Variants in TPTE observed in about 807,000 individuals in gnomAD.
TPTE encodes transmembrane phosphatase with tensin homology.
Under a neutral mutation model 84.1 loss-of-function variants are expected in TPTE, and 59 were observed. The observed-to-expected ratio is 0.70, with a 90% confidence interval of 0.57 to 0.87. TPTE has a LOEUF of 0.87. Ranked by LOEUF, TPTE falls within the 40% of genes least tolerant of loss-of-function variation. The pLI, the probability that TPTE is intolerant of heterozygous loss-of-function variation, is 0.00. For synonymous variants in TPTE, 130 were observed against 223.5 expected, an observed-to-expected ratio of 0.58 and a Z score of 3.73; for missense variants, 382 against 659.6, an observed-to-expected ratio of 0.58 and a Z score of 4.61.
chr21:10,542,583 C>CCATT (rs2074390588), intron 6 of TPTE, 135 bp downstream of exon 6: 4 of 1,254,742 alleles, frequency 3.2e-6, no homozygotes, highest in African/African-American at 1.5e-5. Flanking sequence ...ATCCATCCAT[C>CCATT]CATCCATTCA....
intron 18 of TPTE, among the ~76,000 whole-genome samples, chr21:10,591,502 GAATA>G (rs1568765944): frequency 6.6e-6 from 1 of 152,306 alleles, no homozygotes; most frequent in Non-Finnish European, 1.5e-5. Flanking sequence ...AAAATAAAAT[GAATA>G]GAGCAGAATA....
chr21:10,600,405 C>T (rs1349143815), intron 21 of TPTE, among the ~76,000 whole-genome samples: 2 of 152,308 alleles, frequency 1.3e-5, no homozygotes, highest in African/African-American at 4.8e-5. Flanking sequence ...TACCAAAGTG[C>T]TAGGATTACA....
At chr21:10,536,304 G>C (rs1310432608) in intron 3 of TPTE, among the ~76,000 whole-genome samples, 1 of 152,310 alleles carries the variant, frequency 6.6e-6, no homozygotes, top group Non-Finnish European at 1.5e-5. Flanking sequence ...GTTCAAATTA[G>C]TGATATACAC....
chr21:10,564,867 A>G (rs1318421408), intron 10 of TPTE, among the ~76,000 whole-genome samples: 11 of 152,306 alleles, frequency 7.2e-5, no homozygotes, highest in Non-Finnish European at 1.3e-4. Context: ...AATAAAAACC[A>G]TATATGACAG....
intron 18 of TPTE, among the ~76,000 whole-genome samples, chr21:10,591,346 T>TC (rs2075472875): frequency 6.6e-6 from 1 of 152,310 alleles, no homozygotes; most frequent in African/African-American, 2.4e-5. Flanking sequence ...ATGCCCAGAC[T>TC]CCAATTCCAC....
At chr21:10,541,059 C>CA in intron 4 of TPTE, 53 bp from the exon 5 acceptor site, 1 of 1,609,516 alleles carries the variant, frequency 6.2e-7, no homozygotes, top group South Asian at 1.1e-5. Flanking sequence ...CTATTTGTTG[C>CA]AAAACATTAG....
chr21:10,596,387 A>G (rs942635969), intron 20 of TPTE, among the ~76,000 whole-genome samples: 1 of 152,310 alleles, frequency 6.6e-6, no homozygotes, highest in African/African-American at 2.4e-5. Context: ...TTTTCCGGGC[A>G]GAGGGAGCCT....
chr21:10,594,063 TC>T (rs2075535200), intron 19 of TPTE, among the ~76,000 whole-genome samples: 2 of 152,430 alleles, frequency 1.3e-5, no homozygotes, highest in South Asian at 4.1e-4. Context: ...ATGCTTAAAA[TC>T]CATACTATGT....
At chr21:10,538,157 A>G (rs1242032647) in intron 3 of TPTE, among the ~76,000 whole-genome samples, 1 of 152,312 alleles carries the variant, frequency 6.6e-6, no homozygotes, top group East Asian at 1.9e-4. Flanking sequence ...GAAGAGAAAA[A>G]AGCTAACAAC....
intron 8 of TPTE, among the ~76,000 whole-genome samples, chr21:10,556,824 G>C (rs1242249834): frequency 6.6e-6 from 1 of 152,308 alleles, no homozygotes; most frequent in East Asian, 1.9e-4. Flanking sequence ...GTGTCTGTTG[G>C]CTGCATAAAT....
chr21:10,547,333 T>G (rs1333768957), intron 7 of TPTE, among the ~76,000 whole-genome samples: 1 of 152,306 alleles, frequency 6.6e-6, no homozygotes, highest in African/African-American at 2.4e-5. Context: ...GACTGAAAGT[T>G]GCCACAGCAT....
chr21:10,548,937 G>A (rs2074522105), intron 7 of TPTE, among the ~76,000 whole-genome samples: 1 of 152,312 alleles, frequency 6.6e-6, no homozygotes, highest in Non-Finnish European at 1.5e-5. Context: ...TCTGGCTAGA[G>A]TGATGGCACC....
At chr21:10,546,030 T>G (rs1192595220) in intron 7 of TPTE, among the ~76,000 whole-genome samples, 2 of 152,296 alleles carry the variant, frequency 1.3e-5, no homozygotes, top group Admixed American at 1.3e-4. Flanking sequence ...TATATCTTGT[T>G]TTATTGTGCT....
chr21:10,551,709 A>T (rs906387213), intron 7 of TPTE, among the ~76,000 whole-genome samples: 1 of 152,250 alleles, frequency 6.6e-6, no homozygotes, highest in Non-Finnish European at 1.5e-5. Context: ...AAGTAAAATC[A>T]GAAACAAAAA....
chr21:10,570,430 T>C, intron 13 of TPTE, 55 bp from the exon 14 acceptor site: 1 of 1,611,854 alleles, frequency 6.2e-7, no homozygotes, highest in South Asian at 1.1e-5. Context: ...AATTTTTTTG[T>C]ATGTTGTATG....
chr21:10,558,046 C>T, intron 8 of TPTE, among the ~76,000 whole-genome samples: 1 of 152,308 alleles, frequency 6.6e-6, no homozygotes. Context: ...AGGATAAGAG[C>T]CTCCGGCTCC....
chr21:10,547,086 G>A (rs1236682355), intron 7 of TPTE, among the ~76,000 whole-genome samples: 4 of 152,302 alleles, frequency 2.6e-5, no homozygotes, highest in African/African-American at 9.6e-5. Context: ...CAATTCTCTT[G>A]TTAGGGGCTA....
chr21:10,572,661 C>T (rs1232600881), intron 14 of TPTE, among the ~76,000 whole-genome samples: 3 of 152,304 alleles, frequency 2.0e-5, no homozygotes, highest in African/African-American at 7.2e-5. Context: ...TAGAGCTATC[C>T]CCTAGAAATG....
intron 7 of TPTE, among the ~76,000 whole-genome samples, chr21:10,546,070 T>C (rs950337957): frequency 6.6e-6 from 1 of 152,304 alleles, no homozygotes; most frequent in African/African-American, 2.4e-5. Flanking sequence ...ATATTACTTT[T>C]TTGTAAACTG....
Sources: gnomAD v4.1 joint callset for allele counts (sites outside exome capture counted in the v4.1 genomes callset) on GRCh38, gnomAD v4.1.1 for gene constraint, MANE v1.5 for transcripts, NCBI Gene and HGNC (gene_info 2026-07-23, HGNC 2026-07-21) for gene names.